The following TUB variants were observed in gnomAD, a reference collection of about 807,000 sequenced individuals.
TUB encodes the protein tubby protein homolog.
Under a neutral mutation model 59.7 loss-of-function variants are expected in TUB, and 33 were observed. The observed-to-expected ratio is 0.55, with a 90% confidence interval of 0.42 to 0.74. The LOEUF (loss-of-function observed/expected upper bound fraction) is 0.74, where lower values mean the gene tolerates loss of function less well. TUB is among the 30% of genes least tolerant of loss of function. The pLI is 0.00. For synonymous variants in TUB, 293 were observed against 256.4 expected (o/e 1.14, Z -1.36); for missense variants, 659 against 672.0 (o/e 0.98, Z 0.21).
intron 2 of TUB, among the ~76,000 whole-genome samples, chr11:8,046,640 G>T (rs1192628014): frequency 2.6e-5 from 4 of 152,130 alleles, no homozygotes. Flanking sequence ...AGATTACCTA[G>T]GTCCTCACGG....
chr11:8,038,813 G>C (rs1364716980), exon 1 of TUB: 5 of 1,583,598 alleles, frequency 3.2e-6, no homozygotes, highest in Non-Finnish European at 4.3e-6. Context: ...ACAGGCTCCA[G>C]GTCTTACTAT....
chr11:8,100,529 G>A lies in TUB; in HGVS notation c.1143G>A (p.Gly381=), dbSNP rs758019109. The change falls in exon 10 of 12, where the codon GGG becomes GGA. Residue 381 remains glycine, a synonymous_variant. Transcript: ENST00000299506. ...CYETNVLGFK[G]PRKMSVIVPG... ...AGACAAACGTCTTAGGCTTCAAGGGGCCTCGGAAGATGAGCGTGATTGTCC... is the reference window on the plus strand; with the variant it reads ...AGACAAACGTCTTAGGCTTCAAGGGACCTCGGAAGATGAGCGTGATTGTCC... The A allele has an allele frequency of 1.9e-6, 3 of 1,613,974 alleles. No homozygotes were observed. Among genetic ancestry groups the A allele is most frequent in the African/African-American group, 1.3e-5 (1 of 74,900 alleles).
intron 2 of TUB, chr11:8,039,734 G>GC: frequency 1.4e-6 from 2 of 1,473,810 alleles, no homozygotes; most frequent in Non-Finnish European, 1.8e-6. Flanking sequence ...CTGGGAAAGG[G>GC]CCAACCACAG....
In TUB at chr11:8,090,871, T is replaced by C. The variant is rs540277892; in HGVS notation, c.253+640T>C. ...TCTCTGTTCTCAGGACCCTCCTTCC[T>C]GCTTGGGTTAGGTGAAGAGTAGGCC... On this transcript the variant is annotated intron_variant, in intron 3 of 11. Transcript: ENST00000299506. Among the ~76,000 whole-genome samples the C allele has an allele frequency of 5.3e-5, 8 of 152,070 alleles. No individual in the cohort carries two copies. In the East Asian group the frequency reaches 1.6e-3, roughly 30 times the overall value.
At chr11:8,076,780 T>C (rs1404409927), upstream of TUB, 9 of 152,252 alleles carry the variant, frequency 5.9e-5, no homozygotes, top group African/African-American at 2.2e-4. Context: ...GCCCTATGCA[T>C]TTTATGTTTC....
chr11:8,100,578 A>T lies in TUB; in HGVS notation c.1192A>T (p.Arg398Ter). 1 of 1,614,092 alleles carries T rather than the reference A, an allele frequency of 6.2e-7. No individual in the cohort carries two copies. Among genetic ancestry groups the T allele is most frequent in the Non-Finnish European group, 8.5e-7 (1 of 1,179,986 alleles). ...IVPGMNMVHERVSIRPRNEHE... is the reference protein window; with the variant it reads ...IVPGMNMVHE ...CCCAGGCATGAACATGGTTCATGAG[A>T]GAGTCTCTATCCGCCCCCGCAACGT... Residue 398 changes from arginine to a stop codon, truncating the protein, a stop_gained, in exon 10 of 12, where the codon AGA (arginine) becomes TGA (stop). Coordinates refer to ENST00000299506, the MANE Select transcript of TUB (RefSeq NM_177972.3). LOFTEE classifies it high-confidence loss of function.
intron 2 of TUB, among the ~76,000 whole-genome samples, chr11:8,054,460 G>C (rs1942984778): frequency 6.6e-6 from 1 of 152,262 alleles, no homozygotes; most frequent in South Asian, 2.1e-4. Flanking sequence ...GAGAGAGAGA[G>C]AGAGAGACAG....
chr11:8,036,495 A>G (rs1370045613), upstream of TUB, among the ~76,000 whole-genome samples: 2 of 152,220 alleles, frequency 1.3e-5, no homozygotes. Flanking sequence ...AATGCAAAGC[A>G]CTGTGACCGA....
intron 2 of TUB, among the ~76,000 whole-genome samples, chr11:8,063,456 G>A (rs908886790): frequency 1.3e-5 from 2 of 152,200 alleles, no homozygotes; most frequent in Non-Finnish European, 1.5e-5. Context: ...GTTGAAGCTG[G>A]AGTCAGGCCA....
intron 4 of TUB, 50 bp from the exon 5 acceptor site, chr11:8,095,448 C>A (rs1260642955): frequency 3.2e-6 from 5 of 1,553,046 alleles, no homozygotes; most frequent in South Asian, 2.4e-5. Context: ...AGAATCCAGG[C>A]CCTCCTCTCC....
chr11:8,093,991 T>C, intron 3 of TUB, 55 bp from the exon 4 acceptor site: 1 of 1,609,696 alleles, frequency 6.2e-7, no homozygotes, highest in East Asian at 2.2e-5. Context: ...GTGGGAGCTC[T>C]GGTCTCACCC....
chr11:8,081,558 C>A lies in TUB; in HGVS notation c.38+10C>A, dbSNP rs1472091724. The A allele has an allele frequency of 6.5e-7, 1 of 1,534,560 alleles. No homozygotes were observed. The highest frequency in any genetic ancestry group is 1.2e-5 in the South Asian group (1 of 83,346). On this transcript the variant is annotated intron_variant, in intron 1 of 11. Transcript: ENST00000299506. ...ACTGGATTCCCTACAGGTACGCGGG[C>A]GCCGGGCCGGGGCGCCCACCACTCC...
chr11:8,095,580 C>T lies in TUB; in HGVS notation c.480C>T (p.Asp160=). Residue 160 remains aspartate, a synonymous_variant, in exon 5 of 12, where the codon GAC becomes GAT. Coordinates refer to ENST00000299506, the MANE Select transcript of TUB (RefSeq NM_177972.3). ...PVQILTVGQS[D]HAQDAGETAA... The stretch of plus-strand genomic sequence containing the variant: ...AGATTCTGACTGTGGGCCAGTCAGA[C>T]CACGCCCAGGACGCAGGGGAGACGG... The T allele has an allele frequency of 6.2e-7, 1 of 1,613,166 alleles. No individual in the cohort carries two copies. The highest frequency in any genetic ancestry group is 8.5e-7 in the Non-Finnish European group (1 of 1,179,936).
chr11:8,100,623 C>G (rs764593959), intron 10 of TUB, 22 bp downstream of exon 10: 4 of 1,604,830 alleles, frequency 2.5e-6, no homozygotes, highest in Admixed American at 1.7e-5. Context: ...CCCCTTCCTC[C>G]CCTCTTTCCC....
In TUB at chr11:8,104,735, T is replaced by G. The variant is rs1424167358; in HGVS notation, c.*3116T>G. 1 of 151,812 alleles carries G rather than the reference T, an allele frequency of 6.6e-6. No individual in the cohort carries two copies. Among genetic ancestry groups the G allele is most frequent in the African/African-American group, 2.4e-5 (1 of 41,124 alleles). 9.4% of individuals were successfully genotyped at this position (151,812 alleles called of 1,614,324 possible). On this transcript the variant is annotated 3_prime_UTR_variant, in exon 12 of 12. Coordinates refer to ENST00000299506, the MANE Select transcript of TUB (RefSeq NM_177972.3). ...TGGTATGTTGCACGTATGCTTTTGG[T>G]TGAAATTGAACATACTCTAGTGAAT...
At chr11:8,040,448 G>T (rs965816994) in intron 2 of TUB, among the ~76,000 whole-genome samples, 1 of 152,130 alleles carries the variant, frequency 6.6e-6, no homozygotes, top group Non-Finnish European at 1.5e-5. Context: ...GGGCACCTGG[G>T]GCTCTGCTTT....
chr11:8,071,955 A>G (rs752389360), intron 2 of TUB, among the ~76,000 whole-genome samples: 2 of 152,262 alleles, frequency 1.3e-5, no homozygotes, highest in Non-Finnish European at 2.9e-5. Context: ...TGCCCAGCTC[A>G]GAATCCCAGG....
In TUB at chr11:8,103,887, T is replaced by C. The variant is rs1324020339; in HGVS notation, c.*2268T>C. Reference sequence around the variant, plus strand: ...AAATCAGAAGCACAAAGGAAAACTCTTGGCCTCTGCTTTCTCCTGTAGCAC... The same window carrying C: ...AAATCAGAAGCACAAAGGAAAACTCCTGGCCTCTGCTTTCTCCTGTAGCAC... On this transcript the variant is annotated 3_prime_UTR_variant, in exon 12 of 12. Coordinates refer to ENST00000299506, the MANE Select transcript of TUB (RefSeq NM_177972.3). 2 of 152,290 alleles carry C rather than the reference T, an allele frequency of 1.3e-5. No individual in the cohort carries two copies. The highest frequency in any genetic ancestry group is 2.9e-5 in the Non-Finnish European group (2 of 68,056). The allele number at this position is 152,290 out of a possible 1,614,324, so 9.4% of individuals were successfully genotyped here.
intron 1 of TUB, among the ~76,000 whole-genome samples, chr11:8,084,967 G>C (rs1217268244): frequency 1.3e-5 from 2 of 152,166 alleles, no homozygotes; most frequent in Non-Finnish European, 2.9e-5. Flanking sequence ...TTTCTTTCAA[G>C]TTCTTCCTTA....
Sources: gnomAD v4.1 joint callset for allele counts (sites outside exome capture counted in the v4.1 genomes callset) on GRCh38, gnomAD v4.1.1 for gene constraint, MANE v1.5 for transcripts, NCBI Gene and HGNC (gene_info 2026-07-23, HGNC 2026-07-21) for gene names.